The following NLRP2 variants were observed in gnomAD, a reference collection of about 807,000 sequenced individuals.
NLRP2 encodes NACHT, LRR and PYD domains-containing protein 2.
A neutral mutation model predicts 97.2 loss-of-function variants in NLRP2; 107 were observed. That is an observed-to-expected ratio of 1.10 (90% confidence interval 0.94 to 1.29). The LOEUF is 1.29. NLRP2 is among the 50% of genes most tolerant of loss of function. The pLI, the probability that NLRP2 is intolerant of heterozygous loss-of-function variation, is 0.00. For missense variants in NLRP2, 1,495 were observed against 1,330.3 expected (o/e 1.12, Z -1.93); for synonymous variants, 663 against 551.5 (o/e 1.20, Z -2.83).
At chr19:54,975,830 A>G (rs2071197545) in intron 3 of NLRP2, among the ~76,000 whole-genome samples, 1 of 151,968 alleles carries the variant, frequency 6.6e-6, no homozygotes, top group Non-Finnish European at 1.5e-5. Context: ...AGCTCATTGC[A>G]GCCTCAACCT....
Position 54,981,682 on chromosome 19 carries a change from G to A in NLRP2, c.463G>A (p.Asp155Asn), listed in dbSNP as rs775496594. 1.3e-6 allele frequency: 2 copies of A among 1,532,978 alleles called. No individual in the cohort carries two copies. Among genetic ancestry groups the A allele is most frequent in the Admixed American group, 1.7e-5 (1 of 59,894 alleles). The allele number at this position is 1,532,978 out of a possible 1,614,324, so 95.0% of individuals were successfully genotyped here. The change falls in exon 5 of 13, where the codon GAC (aspartate) becomes AAC (asparagine). Residue 155 changes from aspartate (D) to asparagine (N), a missense_variant and splice_region_variant. Transcript: ENST00000448584. ...AGAAGTCTTTAAAGGAAAAAAGCCA[G>A]GTCTGTACCATATCTTCCTGCAGGG... ...GKEVFKGKKPDKDNRCRYILK... is the reference protein window; with the variant it reads ...GKEVFKGKKPNKDNRCRYILK...
At chr19:54,984,329 G>GTGTGTTTTTTTTTTTGTTTTTTTTT in intron 6 of NLRP2, among the ~76,000 whole-genome samples, 1 of 79,670 alleles carries the variant, frequency 1.3e-5, no homozygotes, top group Non-Finnish European at 2.5e-5. Context: ...TTTTTTTTGT[G>GTGTGTTTTTTTTTTTGTTTTTTTTT]TTTTTTTTTT....
At chr19:54,989,772 T>C (rs530742206) in intron 8 of NLRP2, 3 of 568,818 alleles carry the variant, frequency 5.3e-6, no homozygotes, top group African/African-American at 3.8e-5. Flanking sequence ...TCACCTGAGA[T>C]TGGGAGTTTG....
chr19:54,999,028 C>A (rs929849050), intron 12 of NLRP2, among the ~76,000 whole-genome samples: 2 of 150,956 alleles, frequency 1.3e-5, no homozygotes, highest in East Asian at 3.9e-4. Context: ...GACCCCCCCA[C>A]CTCCCTCCCG....
intron 1 of NLRP2, among the ~76,000 whole-genome samples, chr19:54,967,460 C>T (rs1465765744): frequency 6.6e-6 from 1 of 152,086 alleles, no homozygotes; most frequent in African/African-American, 2.4e-5. Context: ...CCAGCCTGCG[C>T]AGCAAGAGAG....
Position 54,983,583 on chromosome 19 carries a change from T to C in NLRP2, c.1885T>C (p.Ser629Pro), listed in dbSNP as rs147213467. 1.6e-3 allele frequency: 2,546 copies of C among 1,614,140 alleles called. 4 individuals are homozygous for C. Among genetic ancestry groups the C allele is most frequent in the Non-Finnish European group, 2.0e-3 (2,400 of 1,179,996 alleles). The change falls in exon 6 of 13, where the codon TCC (serine) becomes CCC (proline). Residue 629 changes from serine to proline, a missense_variant. By Grantham distance (74) the Ser-to-Pro change is moderately conservative. Coordinates refer to ENST00000448584, the MANE Select transcript of NLRP2 (RefSeq NM_017852.5). The stretch of plus-strand genomic sequence containing the variant: ...GGTGATGGCTCAGTTCAAAGAAATA[T>C]CCCTGCACTTAAATGCAGTAGACGT... Reference protein sequence around the residue: ...KEVMAQFKEISLHLNAVDVVP... With the variant: ...KEVMAQFKEIPLHLNAVDVVP...
chr19:54,977,653 C>T, intron 3 of NLRP2, 99 bp from the exon 4 acceptor site: 1 of 1,123,738 alleles, frequency 8.9e-7, no homozygotes, highest in Non-Finnish European at 1.4e-6. Context: ...AGTACCTAAT[C>T]TAGGCTTCAC....
At chr19:54,974,809 T>C (rs1467683291) in intron 3 of NLRP2, among the ~76,000 whole-genome samples, 1 of 152,090 alleles carries the variant, frequency 6.6e-6, no homozygotes, top group Non-Finnish European at 1.5e-5. Flanking sequence ...GTAGAGACTT[T>C]TCTTTTTTGA....
Position 54,997,514 on chromosome 19 carries a change from G to T in NLRP2, c.3050+27G>T, listed in dbSNP as rs748639276. On this transcript the variant is annotated intron_variant, in intron 12 of 12. Transcript: ENST00000448584. ...TATGATCCATTTACTTCCCCATCAG[G>T]CTTTCTCCAGAGTGGTAGGTTTAGG... is the stretch of plus-strand genomic sequence containing the variant. The T allele has an allele frequency of 3.7e-6, 6 of 1,613,064 alleles. No individual in the cohort carries two copies. The East Asian group carries it at 1.3e-4, about 36-fold the overall frequency.
In NLRP2 at chr19:54,969,609, C is replaced by T. The variant is rs754343440; in HGVS notation, c.-17-390C>T. Among the ~76,000 whole-genome samples, 7 of 152,234 alleles carry T rather than the reference C, an allele frequency of 4.6e-5. No individual in the cohort carries two copies. The South Asian group carries it at 6.2e-4, about 14-fold the overall frequency. ...GGCAGAGGTTGCAGTGAGCTGAGAT[C>T]GTACTACTGTACTCCAGCCTGGGCT... On this transcript the variant is annotated intron_variant, in intron 1 of 12. Coordinates refer to ENST00000448584, the MANE Select transcript of NLRP2 (RefSeq NM_017852.5).
In NLRP2 at chr19:54,995,487, G is replaced by A. The variant is rs966280669; in HGVS notation, c.2879+1048G>A. On this transcript the variant is annotated intron_variant, in intron 11 of 12. Coordinates refer to ENST00000448584, the MANE Select transcript of NLRP2 (RefSeq NM_017852.5). ...TAATCCCAGCTACTTGGGAGGCTGA[G>A]GCAGGAGAATCACTTGAACCCTGGA... is the stretch of plus-strand genomic sequence containing the variant. Among the ~76,000 whole-genome samples, 6 of 151,880 alleles carry A rather than the reference G, an allele frequency of 4.0e-5. No individual in the cohort carries two copies. The East Asian group carries it at 1.2e-3, about 30-fold the overall frequency.
intron 6 of NLRP2, among the ~76,000 whole-genome samples, chr19:54,984,329 G>GTGTGTGTGTTTTTTTTTTTTTTT: frequency 1.3e-5 from 1 of 79,670 alleles, no homozygotes; most frequent in African/African-American, 4.6e-5. Flanking sequence ...TTTTTTTTGT[G>GTGTGTGTGTTTTTTTTTTTTTTT]TTTTTTTTTT....
Position 55,000,828 on chromosome 19 carries a change from A to C in NLRP2, c.3119A>C (p.Gln1040Pro), listed in dbSNP as rs1602466519. Reference protein sequence around the residue: ...LLEEIEEKNPQLIIDTEKHHP... With the variant: ...LLEEIEEKNPPLIIDTEKHHP... ...GAAGAAATAGAAGAAAAAAACCCAC[A>C]ACTGATTATTGATACTGAGAAACAT... The change falls in exon 13 of 13, where the codon CAA becomes CCA. Residue 1040 changes from glutamine (Q) to proline (P), a missense_variant. Transcript: ENST00000448584. 6.2e-7 allele frequency: 1 copy of C among 1,613,532 alleles called. No individual in the cohort carries two copies. The highest frequency in any genetic ancestry group is 8.5e-7 in the Non-Finnish European group (1 of 1,179,512).
In NLRP2 at chr19:55,000,745, C is replaced by A. The variant is rs184796653; in HGVS notation, c.3051-15C>A. 153 of 1,613,098 alleles carry A rather than the reference C, an allele frequency of 9.5e-5. 1 individual carries two copies. The African/African-American group carries it at 1.8e-3, about 19-fold the overall frequency. Reference sequence around the variant, plus strand: ...GATGCACAAAGTAACCTTTTCTTCCCCCATTGTACCCCAGGTTGAAAATCG... The same window carrying A: ...GATGCACAAAGTAACCTTTTCTTCCACCATTGTACCCCAGGTTGAAAATCG... On this transcript the variant is annotated splice_polypyrimidine_tract_variant and intron_variant, in intron 12 of 12. Transcript: ENST00000448584.
In NLRP2 at chr19:54,976,180, G is replaced by A. The variant is rs969208164; in HGVS notation, c.326-1572G>A. ...AGTGATTCTCTTGCCTCAGCCTCCC[G>A]AGTAGCTGGGATTATAGGTGTCTGC... On this transcript the variant is annotated intron_variant, in intron 3 of 12. Coordinates refer to ENST00000448584, the MANE Select transcript of NLRP2 (RefSeq NM_017852.5). Among the ~76,000 whole-genome samples, 16 of 150,968 alleles carry A rather than the reference G, an allele frequency of 1.1e-4. No individual in the cohort carries two copies. The East Asian group carries it at 2.9e-3, about 28-fold the overall frequency.
At chr19:54,978,759 A>G (rs1485251726) in intron 4 of NLRP2, among the ~76,000 whole-genome samples, 2 of 151,402 alleles carry the variant, frequency 1.3e-5, no homozygotes, top group Non-Finnish European at 2.9e-5. Flanking sequence ...AGGCAGGAGA[A>G]TCGCTTGAAC....
chr19:54,966,322 G>A (rs1005085179), upstream of NLRP2: 10 of 151,412 alleles, frequency 6.6e-5, no homozygotes, highest in Non-Finnish European at 1.5e-4. Context: ...AGACCTCTCA[G>A]TAATTCCGGT....
At chr19:54,997,927 GCTGCCGTCTAC>G (rs770954116) in intron 12 of NLRP2, among the ~76,000 whole-genome samples, 352 of 151,980 alleles carry the variant, frequency 2.3e-3, no homozygotes, top group Non-Finnish European at 4.2e-3. Flanking sequence ...CCCAGCCACG[GCTGCCGTCTAC>G]CTGCTCATGA....
At chr19:54,985,272 T>G (rs2071981005) in intron 7 of NLRP2, 55 bp downstream of exon 7, 1 of 1,528,076 alleles carries the variant, frequency 6.5e-7, no homozygotes, top group Non-Finnish European at 9.1e-7. Flanking sequence ...AATGGTACAA[T>G]GTTAACATCG....
Sources: gnomAD v4.1 joint callset for allele counts (sites outside exome capture counted in the v4.1 genomes callset) on GRCh38, gnomAD v4.1.1 for gene constraint, MANE v1.5 for transcripts, NCBI Gene and HGNC (gene_info 2026-07-23, HGNC 2026-07-21) for gene names.